Variants in DAP observed in about 807,000 individuals in gnomAD.
The protein encoded by DAP is death-associated protein 1.
In DAP, 8 loss-of-function variants were observed where a neutral mutation model predicts 13.8. The ratio of observed to expected loss-of-function variants is 0.58; its 90% CI spans 0.34 to 1.05. The LOEUF is 1.05. Ranked by LOEUF, DAP falls within the 50% of genes least tolerant of loss-of-function variation. The probability of loss-of-function intolerance (pLI) is 0.03; values close to 1 mark genes in which losing one functional copy is unlikely to be tolerated. For synonymous variants in DAP, 47 were observed against 47.5 expected (o/e 0.99, Z 0.04); for missense variants, 106 against 133.2 (o/e 0.80, Z 1.01).
At position 10,748,270 on chromosome 5, in the gene DAP, C is replaced by T. The variant is rs1482452634; in HGVS notation, c.57G>A (p.Val19=). Residue 19 remains valine (V), a splice_region_variant and synonymous_variant, in exon 2 of 4, where the codon GTG becomes GTA. Transcript: ENST00000230895. ...LETKAGHPPA[V]KAGGMRIVQK... ...GCACAATTCGCATTCCACCAGCTTTCACTGAAATGAAAACAGAGAGTGTGG... is the reference window on the plus strand; with the variant it reads ...GCACAATTCGCATTCCACCAGCTTTTACTGAAATGAAAACAGAGAGTGTGG... 4 of 1,613,274 alleles carry T rather than the reference C, an allele frequency of 2.5e-6. No individual in the cohort carries two copies. Among genetic ancestry groups the T allele is most frequent in the East Asian group, 2.2e-5 (1 of 44,862 alleles).
chr5:10,715,745 G>T (rs1738968584), intron 2 of DAP, among the ~76,000 whole-genome samples: 1 of 152,242 alleles, frequency 6.6e-6, no homozygotes, highest in Non-Finnish European at 1.5e-5. Context: ...GCAGGCTGCT[G>T]TAGGCAGGGA....
At chr5:10,697,205 A>G (rs896968284) in intron 2 of DAP, among the ~76,000 whole-genome samples, 1 of 152,216 alleles carries the variant, frequency 6.6e-6, no homozygotes, top group Non-Finnish European at 1.5e-5. Flanking sequence ...AGTCCTTTGC[A>G]GTATTCAGAA....
chr5:10,707,236 G>C lies in DAP; in HGVS notation c.153-23665C>G, dbSNP rs1310908120. Among the ~76,000 whole-genome samples the C allele has an allele frequency of 6.6e-6, 1 of 152,226 alleles. No individual in the cohort carries two copies. Among genetic ancestry groups the C allele is most frequent in the East Asian group, 1.9e-4 (1 of 5,196 alleles). On this transcript the variant is annotated intron_variant, in intron 2 of 3. Coordinates refer to ENST00000230895, the MANE Select transcript of DAP (RefSeq NM_004394.3). The surrounding 1 kb of genome is among the most constrained non-coding windows in gnomAD (Gnocchi z 4.0). ...CAGCAGGGGTTTAAACTGGTTTGGAGGGCCAGTGAGATTTCAGCTGATATC... is the reference window on the plus strand; with the variant it reads ...CAGCAGGGGTTTAAACTGGTTTGGACGGCCAGTGAGATTTCAGCTGATATC...
chr5:10,683,667 G>A (rs1738088064), intron 2 of DAP, 96 bp from the exon 3 acceptor site: 2 of 1,159,282 alleles, frequency 1.7e-6, no homozygotes, highest in East Asian at 2.4e-5. Flanking sequence ...CCAGGCTGGA[G>A]GGCGTGGAGG....
At chr5:10,710,370 T>C (rs1332105666) in intron 2 of DAP, among the ~76,000 whole-genome samples, 1 of 152,222 alleles carries the variant, frequency 6.6e-6, no homozygotes, top group African/African-American at 2.4e-5. Context: ...AGAATGGCCC[T>C]GGCAGAGGCA....
At chr5:10,738,806 T>G (rs558943840) in intron 2 of DAP, among the ~76,000 whole-genome samples, 85 of 152,312 alleles carry the variant, frequency 5.6e-4, no homozygotes, top group Middle Eastern at 3.4e-3. Flanking sequence ...GTACTTGCTT[T>G]TAGTAAACAC....
Position 10,738,208 on chromosome 5 carries a change from T to C in DAP, c.152+9967A>G, listed in dbSNP as rs186919061. On this transcript the variant is annotated intron_variant, in intron 2 of 3. Coordinates refer to ENST00000230895, the MANE Select transcript of DAP (RefSeq NM_004394.3). ...TGTTAAGGCAGCCCTGGGAAACAAATACAGTATATCTGCAGTAGTTACTGT... is the reference window on the plus strand; with the variant it reads ...TGTTAAGGCAGCCCTGGGAAACAAACACAGTATATCTGCAGTAGTTACTGT... Among the ~76,000 whole-genome samples, 39 of 152,356 alleles carry C rather than the reference T, an allele frequency of 2.6e-4. 1 individual carries two copies. The East Asian group carries it at 6.9e-3, about 27-fold the overall frequency.
At chr5:10,751,818 G>A (rs1319791925) in intron 1 of DAP, among the ~76,000 whole-genome samples, 1 of 152,208 alleles carries the variant, frequency 6.6e-6, no homozygotes, top group African/African-American at 2.4e-5. Flanking sequence ...CCAGGAGAGA[G>A]GTCTCAGGAG....
intron 3 of DAP, 116 bp from the exon 4 acceptor site, chr5:10,681,285 G>C: frequency 1.2e-6 from 1 of 806,946 alleles, no homozygotes; most frequent in Non-Finnish European, 1.9e-6. Context: ...AATTGTGTGT[G>C]AGGAAGCCTC....
chr5:10,719,729 C>T (rs983169350), intron 2 of DAP, among the ~76,000 whole-genome samples: 1 of 152,220 alleles, frequency 6.6e-6, no homozygotes, highest in Non-Finnish European at 1.5e-5. Flanking sequence ...AAGTAAGTTA[C>T]ATGAGGAAGT....
chr5:10,755,079 G>A (rs1157631994), intron 1 of DAP, among the ~76,000 whole-genome samples: 1 of 152,090 alleles, frequency 6.6e-6, no homozygotes, highest in Non-Finnish European at 1.5e-5. Flanking sequence ...AGATTATTCT[G>A]GATTACCCAG....
At chr5:10,736,764 T>C (rs1739623200) in intron 2 of DAP, among the ~76,000 whole-genome samples, 2 of 152,230 alleles carry the variant, frequency 1.3e-5, no homozygotes. Context: ...CCAGGGCAGA[T>C]GGGCTATTTG....
At chr5:10,722,816 C>A (rs1386911136) in intron 2 of DAP, among the ~76,000 whole-genome samples, 2 of 152,112 alleles carry the variant, frequency 1.3e-5, no homozygotes, top group Non-Finnish European at 2.9e-5. Flanking sequence ...CACCCAACGA[C>A]TGATACTCAT....
chr5:10,683,364 G>T, intron 3 of DAP, 165 bp downstream of exon 3: 1 of 779,484 alleles, frequency 1.3e-6, no homozygotes, highest in East Asian at 2.5e-5. Context: ...GTCTGCAGAA[G>T]CAGCCTCTGG....
intron 2 of DAP, among the ~76,000 whole-genome samples, chr5:10,737,370 A>AAACAACAAC (rs375025700): frequency 6.6e-6 from 1 of 150,692 alleles, no homozygotes; most frequent in Admixed American, 6.6e-5. Context: ...AACAAAAACA[A>AAACAACAAC]AACAACAACA....
intron 2 of DAP, among the ~76,000 whole-genome samples, chr5:10,724,887 C>G (rs1362064914): frequency 6.6e-6 from 1 of 151,914 alleles, no homozygotes; most frequent in East Asian, 1.9e-4. Context: ...CCAACAGCCG[C>G]CAGGGGGTGT....
intron 3 of DAP, chr5:10,683,246 G>A: frequency 2.0e-6 from 1 of 510,936 alleles, no homozygotes; most frequent in Admixed American, 3.3e-5. Flanking sequence ...TTCACTGCGG[G>A]GGTTTGCTGA....
intron 3 of DAP, 197 bp downstream of exon 3, chr5:10,683,332 A>C: frequency 1.5e-6 from 1 of 676,830 alleles, no homozygotes; most frequent in Non-Finnish European, 2.6e-6. Flanking sequence ...TGGAAAGGTA[A>C]AGGATGCGAG....
chr5:10,703,469 C>T (rs548675401), intron 2 of DAP, among the ~76,000 whole-genome samples: 3 of 152,170 alleles, frequency 2.0e-5, no homozygotes, highest in South Asian at 4.2e-4. Flanking sequence ...CTTTAAGCTT[C>T]GGAACAACTG....
Sources: allele counts gnomAD v4.1 joint callset (sites outside exome capture counted in the v4.1 genomes callset), GRCh38; gene constraint gnomAD v4.1.1; non-coding constraint Gnocchi (gnomAD v3.1); transcripts MANE v1.5; gene names NCBI Gene and HGNC (gene_info 2026-07-23, HGNC 2026-07-21).